Variants in NRG3 observed in about 807,000 individuals in gnomAD.
The protein encoded by NRG3 is neuregulin 3.
A neutral mutation model predicts 66.9 loss-of-function variants in NRG3; 31 were observed. The ratio of observed to expected loss-of-function variants is 0.46; its 90% CI spans 0.35 to 0.63. The LOEUF (loss-of-function observed/expected upper bound fraction) is 0.63, where lower values mean the gene tolerates loss of function less well. NRG3 is among the 20% of genes least tolerant of loss of function. The probability of loss-of-function intolerance (pLI) is 0.00; values close to 1 mark genes in which losing one functional copy is unlikely to be tolerated. For missense variants in NRG3, 910 were observed against 878.9 expected (o/e 1.04, Z -0.45); for synonymous variants, 393 against 359.4 (o/e 1.09, Z -1.06).
intron 1 of NRG3, among the ~76,000 whole-genome samples, chr10:82,308,591 A>G (rs1485663927): frequency 6.6e-6 from 1 of 152,212 alleles, no homozygotes; most frequent in East Asian, 1.9e-4. Context: ...CTTTATGATT[A>G]CCAGAAAAAT....
intron 1 of NRG3, among the ~76,000 whole-genome samples, chr10:82,288,438 A>G (rs2079541994): frequency 6.6e-6 from 1 of 152,148 alleles, no homozygotes; most frequent in Non-Finnish European, 1.5e-5. Context: ...TGGGCTGTAG[A>G]GGGCTGGAAG....
intron 2 of NRG3, among the ~76,000 whole-genome samples, chr10:82,623,451 C>T (rs1246354235): frequency 6.6e-6 from 1 of 152,126 alleles, no homozygotes; most frequent in Non-Finnish European, 1.5e-5. Flanking sequence ...GCCTTGTTCC[C>T]AGGATTTTCA....
intron 4 of NRG3, among the ~76,000 whole-genome samples, chr10:82,883,954 T>G (rs1237173155): frequency 6.6e-6 from 1 of 152,056 alleles, no homozygotes; most frequent in African/African-American, 2.4e-5. Context: ...TTTTTTTTTT[T>G]TCCTCTTCCC....
chr10:82,553,767 A>G (rs1402992396), intron 2 of NRG3, among the ~76,000 whole-genome samples: 2 of 152,144 alleles, frequency 1.3e-5, no homozygotes, highest in Non-Finnish European at 1.5e-5. Context: ...ACTTGAACTA[A>G]TAAAAGTTTC....
At chr10:82,020,746 A>G (rs1401578968) in intron 1 of NRG3, among the ~76,000 whole-genome samples, 1 of 152,106 alleles carries the variant, frequency 6.6e-6, no homozygotes, top group Non-Finnish European at 1.5e-5. Flanking sequence ...TTGTCTTGCC[A>G]TCTTTATCTC....
intron 1 of NRG3, among the ~76,000 whole-genome samples, chr10:82,209,429 T>C (rs913066182): frequency 6.6e-6 from 1 of 152,216 alleles, no homozygotes; most frequent in African/African-American, 2.4e-5. Context: ...TAGGAAACTG[T>C]AGAGTTAACA....
intron 3 of NRG3, among the ~76,000 whole-genome samples, chr10:82,793,700 T>C (rs1022135535): frequency 6.6e-6 from 1 of 152,182 alleles, no homozygotes; most frequent in Non-Finnish European, 1.5e-5. Context: ...CTATGTCTTA[T>C]CATCACTTTT....
chr10:81,927,900 T>C (rs1409302140), intron 1 of NRG3, among the ~76,000 whole-genome samples: 1 of 152,146 alleles, frequency 6.6e-6, no homozygotes, highest in Non-Finnish European at 1.5e-5. Flanking sequence ...ACAGAGATCT[T>C]AAGACTGAGA....
At chr10:82,952,517 G>C (rs1404503318) in intron 5 of NRG3, among the ~76,000 whole-genome samples, 1 of 119,600 alleles carries the variant, frequency 8.4e-6, no homozygotes, top group African/African-American at 3.2e-5. Context: ...GTGTGTGTGT[G>C]TGTATTTTTC....
At chr10:82,415,159 G>T (rs570061520) in intron 2 of NRG3, among the ~76,000 whole-genome samples, 1 of 152,164 alleles carries the variant, frequency 6.6e-6, no homozygotes. Context: ...TGCAGATACT[G>T]CTGGATTATA....
chr10:82,577,228 T>C (rs894110891), intron 2 of NRG3, among the ~76,000 whole-genome samples: 1 of 151,806 alleles, frequency 6.6e-6, no homozygotes, highest in African/African-American at 2.4e-5. Flanking sequence ...ATTGTGAGCA[T>C]GACTTTTATA....
intron 1 of NRG3, among the ~76,000 whole-genome samples, chr10:82,148,817 T>C (rs895837309): frequency 1.3e-5 from 2 of 152,148 alleles, no homozygotes; most frequent in African/African-American, 4.8e-5. Context: ...CCCCAATTTC[T>C]ATGACTTTCC....
At chr10:82,264,333 GA>G (rs1315129911) in intron 1 of NRG3, among the ~76,000 whole-genome samples, 1 of 152,120 alleles carries the variant, frequency 6.6e-6, no homozygotes, top group East Asian at 1.9e-4. Context: ...GAGCAAGGGG[GA>G]AACCCCTTAT....
chr10:82,513,271 G>A (rs546828361), intron 2 of NRG3, among the ~76,000 whole-genome samples: 82 of 152,264 alleles, frequency 5.4e-4, no homozygotes, highest in Middle Eastern at 3.4e-3. Flanking sequence ...CCACATCCCT[G>A]CAAAGGACAT....
intron 2 of NRG3, among the ~76,000 whole-genome samples, chr10:82,531,701 C>T (rs1847287945): frequency 6.6e-6 from 1 of 151,844 alleles, no homozygotes; most frequent in African/African-American, 2.4e-5. Context: ...CAGAGGGGCA[C>T]ATGTACTCTC....
At chr10:82,221,352 C>A (rs1329786915) in intron 1 of NRG3, among the ~76,000 whole-genome samples, 6 of 151,814 alleles carry the variant, frequency 4.0e-5, no homozygotes, top group Non-Finnish European at 8.8e-5. Context: ...TCAGACTTTG[C>A]TGTCTTCTTT....
intron 1 of NRG3, among the ~76,000 whole-genome samples, chr10:82,051,435 C>T (rs1317910444): frequency 6.6e-6 from 1 of 152,120 alleles, no homozygotes; most frequent in Non-Finnish European, 1.5e-5. Context: ...CGTCTACTTG[C>T]CCATCACTGC....
chr10:81,969,795 G>A (rs2059861309), intron 1 of NRG3, among the ~76,000 whole-genome samples: 1 of 152,048 alleles, frequency 6.6e-6, no homozygotes, highest in African/African-American at 2.4e-5. Flanking sequence ...GTGTGTGTGT[G>A]TGTGTGCACA....
At chr10:82,606,900 T>C (rs1222758085) in intron 2 of NRG3, among the ~76,000 whole-genome samples, 1 of 152,218 alleles carries the variant, frequency 6.6e-6, no homozygotes, top group Non-Finnish European at 1.5e-5. Context: ...TTCATCTCCC[T>C]GTCCTGTGAC....
Sources: gnomAD v4.1 joint callset for allele counts (sites outside exome capture counted in the v4.1 genomes callset) on GRCh38, gnomAD v4.1.1 for gene constraint, MANE v1.5 for transcripts, NCBI Gene and HGNC (gene_info 2026-07-23, HGNC 2026-07-21) for gene names.